The following URB1 variants were observed in gnomAD, a reference collection of about 807,000 sequenced individuals.
URB1 encodes nucleolar pre-ribosomal-associated protein 1.
In URB1, 197 loss-of-function variants were observed where a neutral mutation model predicts 242.3. That is an observed-to-expected ratio of 0.81 (90% CI 0.72 to 0.91). URB1 has a LOEUF of 0.91. URB1 is among the 40% of genes least tolerant of loss of function. The probability of loss-of-function intolerance (pLI) is 0.00; values close to 1 mark genes in which losing one functional copy is unlikely to be tolerated. For synonymous variants in URB1, 1,153 were observed against 1,201.8 expected, an observed-to-expected ratio of 0.96 and a Z score of 0.84; for missense variants, 2,721 against 2,860.5, an observed-to-expected ratio of 0.95 and a Z score of 1.11.
intron 20 of URB1, 72 bp downstream of exon 20, chr21:32,350,632 C>T: frequency 6.7e-7 from 1 of 1,498,810 alleles, no homozygotes; most frequent in Non-Finnish European, 9.0e-7. Context: ...GGGCTGTGGG[C>T]CCGACTCAGA....
rs371686730 is a variant in URB1, at chr21:32,352,890, T to A, written c.2433A>T (p.Thr811=). 1.7e-5 allele frequency: 26 copies of A among 1,548,084 alleles called. No individual in the cohort carries two copies. In the African/African-American group the frequency reaches 3.4e-4, roughly 20 times the overall value. ...TGNEAAENVV[T]YLTAVLTDLL... is the part of the protein sequence containing the mutation. ...GGTCAGTCAGCACTGCCGTCAGATA[T>A]GTCACAACGTTTTCCGCTGCAAAGG... Residue 811 remains threonine, a synonymous_variant, in exon 19 of 39, where the codon ACA becomes ACT. Transcript: ENST00000382751.
In URB1 at chr21:32,331,146, G is replaced by A. The variant is rs141500437; in HGVS notation, c.4960+2171C>T. Among the ~76,000 whole-genome samples the A allele has an allele frequency of 4.2e-3, 646 of 152,272 alleles. 5 individuals are homozygous for A. Among genetic ancestry groups the A allele is most frequent in the African/African-American group, 0.015 (614 of 41,556 alleles). ...GTCTGGGAGTCCATTCAGGGATCAC[G>A]CGAACCAGCACAGAAGCAAAATGTG... On this transcript the variant is annotated intron_variant, in intron 30 of 38. Coordinates refer to ENST00000382751, the MANE Select transcript of URB1 (RefSeq NM_014825.3).
intron 1 of URB1, among the ~76,000 whole-genome samples, chr21:32,389,220 A>G (rs2033613979): frequency 6.6e-6 from 1 of 152,198 alleles, no homozygotes; most frequent in African/African-American, 2.4e-5. Flanking sequence ...TCCAGGCCCC[A>G]AGGCTGGAGG....
At chr21:32,352,479 G>A (rs2033168628) in intron 19 of URB1, among the ~76,000 whole-genome samples, 1 of 152,238 alleles carries the variant, frequency 6.6e-6, no homozygotes, top group Non-Finnish European at 1.5e-5. Flanking sequence ...TTATCAGGGA[G>A]CCAATGGGGA....
At chr21:32,375,863 G>C (rs1681163547) in intron 5 of URB1, among the ~76,000 whole-genome samples, 1 of 151,948 alleles carries the variant, frequency 6.6e-6, no homozygotes, top group Admixed American at 6.6e-5. Context: ...AGGCTGAGGT[G>C]GCAGGATCAC....
intron 25 of URB1, among the ~76,000 whole-genome samples, chr21:32,339,873 C>T (rs190238882): frequency 1.8e-4 from 27 of 152,318 alleles, no homozygotes; most frequent in Non-Finnish European, 3.7e-4. Flanking sequence ...AGAACAGCTG[C>T]GCCTGAGAAA....
At chr21:32,348,696 A>G (rs915169250) in intron 21 of URB1, among the ~76,000 whole-genome samples, 2 of 152,228 alleles carry the variant, frequency 1.3e-5, no homozygotes, top group African/African-American at 4.8e-5. Context: ...GCACGATTAC[A>G]TATTGAGAAT....
chr21:32,378,668 C>G, intron 4 of URB1, 127 bp from the exon 5 acceptor site: 1 of 751,770 alleles, frequency 1.3e-6, no homozygotes, highest in Non-Finnish European at 2.3e-6. Flanking sequence ...TGTCCCCAGT[C>G]ACCAGGGGAT....
chr21:32,325,910 TC>T (rs1049850616), intron 30 of URB1, among the ~76,000 whole-genome samples: 1 of 152,148 alleles, frequency 6.6e-6, no homozygotes, highest in African/African-American at 2.4e-5. Context: ...CAACCCTAGC[TC>T]TTCCTTCAAA....
chr21:32,347,961 A>C, intron 21 of URB1, 150 bp from the exon 22 acceptor site: 3 of 1,322,458 alleles, frequency 2.3e-6, no homozygotes, highest in Non-Finnish European at 3.0e-6. Context: ...CTACATTTCC[A>C]TGCCCCCCTC....
rs1282239671 is a variant in URB1, at chr21:32,319,297, G to C, written c.5712C>G (p.Ser1904=). ...WESQRLCQPS[S]QEPAKRLALH... ...GGGCAAGCCGCTTGGCAGGCTCCTG[G>C]GAGCTAGGCTGGCAAAGGCGCTGGC... The change falls in exon 36 of 39, where the codon TCC becomes TCG. Residue 1904 remains serine, a synonymous_variant. Transcript: ENST00000382751. 6.4e-7 allele frequency: 1 copy of C among 1,551,010 alleles called. No homozygotes were observed. The highest frequency in any genetic ancestry group is 8.7e-7 in the Non-Finnish European group (1 of 1,146,738).
chr21:32,364,065 G>C (rs537597410), intron 10 of URB1, among the ~76,000 whole-genome samples: 1 of 151,990 alleles, frequency 6.6e-6, no homozygotes, highest in East Asian at 1.9e-4. Flanking sequence ...AAATGCATCA[G>C]GTACTTTAGT....
intron 30 of URB1, among the ~76,000 whole-genome samples, chr21:32,327,110 A>G (rs1243070889): frequency 6.6e-6 from 1 of 152,202 alleles, no homozygotes; most frequent in Non-Finnish European, 1.5e-5. Context: ...TCAAAACATA[A>G]AACATTAAGA....
At position 32,347,689 on chromosome 21, in the gene URB1, G is replaced by T. The variant is rs775113468; in HGVS notation, c.3135C>A (p.Ala1045=). Residue 1045 remains alanine, a synonymous_variant, in exon 22 of 39, where the codon GCC becomes GCA. Coordinates refer to ENST00000382751, the MANE Select transcript of URB1 (RefSeq NM_014825.3). ...TLSPVLVKLL[A]THFSAGVLQL... is the part of the protein sequence containing the mutation. ...GAAGGACCCCTGCACTAAAGTGGGT[G>T]GCCAGGAGCTTCACGAGGACAGGGC... The T allele has an allele frequency of 2.6e-6, 4 of 1,551,338 alleles. No homozygotes were observed. In the African/African-American group the frequency reaches 5.5e-5, roughly 21 times the overall value.
chr21:32,387,141 T>G (rs2033591887), intron 1 of URB1, among the ~76,000 whole-genome samples: 1 of 151,998 alleles, frequency 6.6e-6, no homozygotes, highest in Non-Finnish European at 1.5e-5. Context: ...AGCCTGAGGA[T>G]TCTACTACCC....
Position 32,333,305 on chromosome 21 carries a change from G to C in URB1, c.4960+12C>G. 1 of 1,551,040 alleles carries C rather than the reference G, an allele frequency of 6.4e-7. No homozygotes were observed. Among genetic ancestry groups the C allele is most frequent in the Non-Finnish European group, 8.7e-7 (1 of 1,146,248 alleles). ...CATAGCAAGCCCTGACCCAAGAGAA[G>C]ACTGCAGTTACCTGGCCTGGTCAGC... On this transcript the variant is annotated intron_variant, in intron 30 of 38. Transcript: ENST00000382751.
intron 30 of URB1, among the ~76,000 whole-genome samples, chr21:32,331,791 C>A (rs2096460): frequency 0.85 from 128,824 of 152,222 alleles, 54,896 homozygotes; most frequent in Admixed American, 0.9. Flanking sequence ...TAGACTCCCA[C>A]CCCTGCCAGG....
chr21:32,383,391 T>C (rs1469515729), intron 4 of URB1, 31 bp downstream of exon 4: 16 of 1,539,384 alleles, frequency 1.0e-5, no homozygotes, highest in East Asian at 4.9e-5. Context: ...AGGAGACCCA[T>C]GGAAGGCACG....
At chr21:32,375,832 C>T (rs978073217) in intron 5 of URB1, among the ~76,000 whole-genome samples, 1 of 152,038 alleles carries the variant, frequency 6.6e-6, no homozygotes, top group Non-Finnish European at 1.5e-5. Flanking sequence ...TGTAGTCTTA[C>T]TGTAGTCTTA....
Sources: allele counts gnomAD v4.1 joint callset (sites outside exome capture counted in the v4.1 genomes callset), GRCh38; gene constraint gnomAD v4.1.1; transcripts MANE v1.5; gene names NCBI Gene and HGNC (gene_info 2026-07-23, HGNC 2026-07-21).